The following RAB7A variants were observed in gnomAD, a reference collection of about 807,000 sequenced individuals.
RAB7A encodes ras-related protein Rab-7a.
In RAB7A, 2 loss-of-function variants were observed where a neutral mutation model predicts 24.5. That is an observed-to-expected ratio of 0.08 (90% CI 0.03 to 0.26). The LOEUF is 0.26. RAB7A is among the 10% of genes least tolerant of loss of function. The pLI is 1.00. For missense variants in RAB7A, 118 were observed against 255.7 expected, an observed-to-expected ratio of 0.46 and a Z score of 3.67; for synonymous variants, 100 against 95.9, an observed-to-expected ratio of 1.04 and a Z score of -0.25.
At chr3:128,762,274 G>C (rs1361837668) in intron 1 of RAB7A, among the ~76,000 whole-genome samples, 2 of 152,266 alleles carry the variant, frequency 1.3e-5, no homozygotes, top group Non-Finnish European at 1.5e-5. Flanking sequence ...AAAGGCTAAG[G>C]AGGAGGGACA....
At chr3:128,748,097 A>G (rs373192889) in intron 1 of RAB7A, among the ~76,000 whole-genome samples, 31 of 152,308 alleles carry the variant, frequency 2.0e-4, no homozygotes, top group Middle Eastern at 6.8e-3. Flanking sequence ...GAAGTTTGAC[A>G]AACATCCTAG....
chr3:128,733,355 T>G (rs374325503), intron 1 of RAB7A, among the ~76,000 whole-genome samples: 3 of 152,204 alleles, frequency 2.0e-5, no homozygotes, highest in African/African-American at 7.2e-5. Flanking sequence ...TGTGAGACTT[T>G]GTGTTGTTGT....
intron 1 of RAB7A, among the ~76,000 whole-genome samples, chr3:128,792,731 A>G (rs1367081968): frequency 2.0e-5 from 3 of 151,596 alleles, no homozygotes; most frequent in African/African-American, 7.3e-5. Context: ...CCCACCACTC[A>G]CTGCAACCTC....
chr3:128,740,138 A>G lies in RAB7A; in HGVS notation c.-9+13779A>G, dbSNP rs577840202. Among the ~76,000 whole-genome samples, 8 of 152,276 alleles carry G rather than the reference A, an allele frequency of 5.3e-5. No homozygotes were observed. The South Asian group carries it at 1.7e-3, about 32-fold the overall frequency. On this transcript the variant is annotated intron_variant, in intron 1 of 5. Transcript: ENST00000265062. ...CTGCAATCAATCCCATCACTTTGGGAGGCCGCCGAGATGGGTGGATCACGA... is the reference window on the plus strand; with the variant it reads ...CTGCAATCAATCCCATCACTTTGGGGGGCCGCCGAGATGGGTGGATCACGA...
chr3:128,768,202 G>T (rs959040459), intron 1 of RAB7A, among the ~76,000 whole-genome samples: 1 of 152,114 alleles, frequency 6.6e-6, no homozygotes, highest in African/African-American at 2.4e-5. Flanking sequence ...TTATTTGGGG[G>T]GGAGTATCTG....
intron 1 of RAB7A, among the ~76,000 whole-genome samples, chr3:128,742,999 C>T (rs904029982): frequency 3.3e-5 from 5 of 152,138 alleles, no homozygotes; most frequent in South Asian, 2.1e-4. Flanking sequence ...CGGGGAGGCT[C>T]GGGCTTCACG....
At chr3:128,784,061 TAGC>T (rs1933277494) in intron 1 of RAB7A, among the ~76,000 whole-genome samples, 1 of 152,190 alleles carries the variant, frequency 6.6e-6, no homozygotes, top group Non-Finnish European at 1.5e-5. Flanking sequence ...ATTCCCAATT[TAGC>T]ACAGGCGTCT....
At chr3:128,726,922 G>A (rs2070386715) in intron 1 of RAB7A, among the ~76,000 whole-genome samples, 1 of 152,242 alleles carries the variant, frequency 6.6e-6, no homozygotes. Context: ...TGTACATTGA[G>A]GCGCCTCTGG....
At chr3:128,775,633 C>T (rs1319915680) in intron 1 of RAB7A, among the ~76,000 whole-genome samples, 1 of 152,152 alleles carries the variant, frequency 6.6e-6, no homozygotes, top group African/African-American at 2.4e-5. Context: ...GACAGATTAT[C>T]CTTTACCTAA....
chr3:128,762,231 GA>G (rs1420059872), intron 1 of RAB7A, among the ~76,000 whole-genome samples: 1 of 152,192 alleles, frequency 6.6e-6, no homozygotes, highest in Non-Finnish European at 1.5e-5. Context: ...CTAGGCTACA[GA>G]TAGACTTTCC....
At position 128,806,410 on chromosome 3, in the gene RAB7A, C is replaced by T. The variant is rs4548; in HGVS notation, c.219C>T (p.Leu73=). 85,588 of 1,613,822 alleles carry T rather than the reference C, an allele frequency of 0.053. 2,671 individuals carry two copies. Among genetic ancestry groups the T allele is most frequent in the Non-Finnish European group, 0.061 (71,816 of 1,179,824 alleles). The part of the protein sequence containing the change: ...DTAGQERFQS[L]GVAFYRGADC... ...CAGGACAGGAACGGTTCCAGTCTCT[C>T]GGTGTGGCCTTCTACAGAGGTGCAG... Residue 73 remains leucine (L), a synonymous_variant, in exon 4 of 6, where the codon CTC becomes CTT. Coordinates refer to ENST00000265062, the MANE Select transcript of RAB7A (RefSeq NM_004637.6).
chr3:128,782,085 A>G (rs969468039), intron 1 of RAB7A, among the ~76,000 whole-genome samples: 1 of 152,170 alleles, frequency 6.6e-6, no homozygotes, highest in African/African-American at 2.4e-5. Context: ...GGCAATTTCT[A>G]GCCATCTTTC....
chr3:128,804,553 T>A (rs1933763066), intron 3 of RAB7A, among the ~76,000 whole-genome samples: 1 of 152,242 alleles, frequency 6.6e-6, no homozygotes, highest in African/African-American at 2.4e-5. Flanking sequence ...CATAGGACTG[T>A]ACTTGTTGAT....
At chr3:128,752,071 A>T (rs2070687769) in intron 1 of RAB7A, among the ~76,000 whole-genome samples, 1 of 152,190 alleles carries the variant, frequency 6.6e-6, no homozygotes, top group African/African-American at 2.4e-5. Flanking sequence ...TTTCTTTTGT[A>T]AATTGCCCAG....
At chr3:128,743,701 C>T (rs1292131972) in intron 1 of RAB7A, among the ~76,000 whole-genome samples, 2 of 152,090 alleles carry the variant, frequency 1.3e-5, no homozygotes, top group Non-Finnish European at 2.9e-5. Flanking sequence ...GCCTGTAACG[C>T]CAGCACTTTG....
Position 128,814,600 on chromosome 3 carries a change from T to C in RAB7A, c.*1178T>C, listed in dbSNP as rs1933998542. 1 of 152,628 alleles carries C rather than the reference T, an allele frequency of 6.6e-6. No individual in the cohort carries two copies. The highest frequency in any genetic ancestry group is 1.5e-5 in the Non-Finnish European group (1 of 68,032). 9.5% of individuals were successfully genotyped at this position (152,628 alleles called of 1,614,324 possible). ...CTCTTTTCCCCACCCATCTCCCCAA[T>C]ATTGCCCATTATTAATTAACCTCTT... On this transcript the variant is annotated 3_prime_UTR_variant, in exon 6 of 6. Coordinates refer to ENST00000265062, the MANE Select transcript of RAB7A (RefSeq NM_004637.6).
rs767284504 is a variant in RAB7A at position 128,806,578 on chromosome 3, C to T, written c.387C>T (p.Leu129=). Reference sequence around the variant, plus strand: ...TTGTGTTGGGAAACAAGATTGACCTCGAAAACAGACAAGTAAGTACCAACG... The same window carrying T: ...TTGTGTTGGGAAACAAGATTGACCTTGAAAACAGACAAGTAAGTACCAACG... ...PFVVLGNKID[L]ENRQVATKRA... The change falls in exon 4 of 6, where the codon CTC becomes CTT. Residue 129 remains leucine (L), a synonymous_variant. Coordinates refer to ENST00000265062, the MANE Select transcript of RAB7A (RefSeq NM_004637.6). 5 of 1,613,370 alleles carry T rather than the reference C, an allele frequency of 3.1e-6. No individual in the cohort carries two copies. Among genetic ancestry groups the T allele is most frequent in the East Asian group, 2.2e-5 (1 of 44,898 alleles).
intron 1 of RAB7A, among the ~76,000 whole-genome samples, chr3:128,761,627 G>A (rs1486400719): frequency 1.3e-5 from 2 of 152,170 alleles, no homozygotes; most frequent in Admixed American, 6.5e-5. Flanking sequence ...TGAGTTAACA[G>A]TCCTTTATTT....
intron 5 of RAB7A, among the ~76,000 whole-genome samples, chr3:128,811,848 C>CAAAA (rs879327864): frequency 9.3e-6 from 1 of 107,406 alleles, no homozygotes; most frequent in South Asian, 2.9e-4. Flanking sequence ...GACTCTGCCT[C>CAAAA]AAAAAAAAAA....
Sources: gnomAD v4.1 joint callset for allele counts (sites outside exome capture counted in the v4.1 genomes callset) on GRCh38, gnomAD v4.1.1 for gene constraint, MANE v1.5 for transcripts, NCBI Gene and HGNC (gene_info 2026-07-23, HGNC 2026-07-21) for gene names.